AUTS2: variants seen among roughly 807,000 people sequenced by gnomAD.
AUTS2 encodes activator of transcription and developmental regulator AUTS2.
In AUTS2, 17 loss-of-function variants were observed where a neutral mutation model predicts 112.4. That is an observed-to-expected ratio of 0.15 (90% CI 0.10 to 0.23). AUTS2 has a LOEUF of 0.23. AUTS2 is among the 10% of genes least tolerant of loss of function. AUTS2 has a pLI of 1.00. For synonymous variants in AUTS2, 751 were observed against 702.7 expected, an observed-to-expected ratio of 1.07 and a Z score of -1.09; for missense variants, 1,510 against 1,701.6, an observed-to-expected ratio of 0.89 and a Z score of 1.98.
chr7:70,473,545 T>G (rs1797469078), intron 5 of AUTS2, among the ~76,000 whole-genome samples: 1 of 152,204 alleles, frequency 6.6e-6, no homozygotes, highest in African/African-American at 2.4e-5. Context: ...GGCATGAATC[T>G]GACTTGCTTA....
intron 5 of AUTS2, among the ~76,000 whole-genome samples, chr7:70,485,843 T>C (rs1179948018): frequency 1.3e-5 from 2 of 152,062 alleles, no homozygotes; most frequent in East Asian, 1.9e-4. Context: ...TGGATCGCCA[T>C]GCAGGGTGCA....
rs899280465 is a variant in AUTS2 at position 70,337,573 on chromosome 7, C to G, written c.661-98179C>G. ...TTCTGCATCTGTGCTATAGTTTTCT[C>G]AAAGGTGAATAAATGCATTTTTTAA... On this transcript the variant is annotated intron_variant, in intron 4 of 18. Transcript: ENST00000342771. Among the ~76,000 whole-genome samples, 5 of 152,280 alleles carry G rather than the reference C, an allele frequency of 3.3e-5. No homozygotes were observed. The South Asian group carries it at 8.3e-4, about 25-fold the overall frequency.
intron 6 of AUTS2, among the ~76,000 whole-genome samples, chr7:70,724,556 C>T (rs1786905848): frequency 1.3e-5 from 2 of 151,170 alleles, no homozygotes; most frequent in South Asian, 4.2e-4. Flanking sequence ...CACCATTCTC[C>T]TGCCTCAGCC....
chr7:69,979,648 C>T (rs1446269061), intron 2 of AUTS2, among the ~76,000 whole-genome samples: 5 of 152,156 alleles, frequency 3.3e-5, no homozygotes, highest in Non-Finnish European at 5.9e-5. Flanking sequence ...AGGAAGACTA[C>T]AGGCAGCAAT....
At position 70,319,898 on chromosome 7, in the gene AUTS2, A is replaced by AAATG. The variant is rs371912639; in HGVS notation, c.661-115840_661-115837dup. Among the ~76,000 whole-genome samples, 212 of 152,332 alleles carry AAATG rather than the reference A, an allele frequency of 1.4e-3. 1 individual carries two copies. The East Asian group carries it at 0.016, about 12-fold the overall frequency. On this transcript the variant is annotated intron_variant, in intron 4 of 18. Coordinates refer to ENST00000342771, the MANE Select transcript of AUTS2 (RefSeq NM_015570.4). ...GGAGAAGCCAGACAAAAGAATACGT[A>AAATG]AATGAATGAATGAATGAGTGAATGA...
At chr7:70,266,727 G>GTT (rs1787444324) in intron 4 of AUTS2, among the ~76,000 whole-genome samples, 1 of 151,992 alleles carries the variant, frequency 6.6e-6, no homozygotes, top group African/African-American at 2.4e-5. Flanking sequence ...CAATAAAGCT[G>GTT]TTTAAAAAAA....
At position 70,789,817 on chromosome 7, in the gene AUTS2, A is replaced by G. The variant is rs779299820; in HGVS notation, c.2601A>G (p.Gly867=). The G allele has an allele frequency of 6.2e-7, 1 of 1,614,154 alleles. No individual in the cohort carries two copies. Among genetic ancestry groups the G allele is most frequent in the Non-Finnish European group, 8.5e-7 (1 of 1,180,028 alleles). ...CTGTCCTCCCGGTGAATGCCCTGGG[A>G]CATACCCGCAGCTCCACTGAACAGA... The part of the protein sequence containing the change: ...PAPVLPVNAL[G]HTRSSTEQIR... The change falls in exon 19 of 19, where the codon GGA becomes GGG. Residue 867 remains glycine (G), a synonymous_variant. Coordinates refer to ENST00000342771, the MANE Select transcript of AUTS2 (RefSeq NM_015570.4).
At chr7:69,666,093 A>G (rs1167345119) in intron 1 of AUTS2, among the ~76,000 whole-genome samples, 1 of 152,214 alleles carries the variant, frequency 6.6e-6, no homozygotes, top group Non-Finnish European at 1.5e-5. Flanking sequence ...TTAATGTTTC[A>G]TTATACATAT....
At chr7:70,724,298 A>G (rs1786879685) in intron 6 of AUTS2, among the ~76,000 whole-genome samples, 1 of 152,126 alleles carries the variant, frequency 6.6e-6, no homozygotes, top group African/African-American at 2.4e-5. Flanking sequence ...ATTTGATTCC[A>G]TATTTGATTT....
chr7:69,772,378 T>C (rs954397559), intron 1 of AUTS2, among the ~76,000 whole-genome samples: 4 of 152,240 alleles, frequency 2.6e-5, no homozygotes, highest in African/African-American at 9.6e-5. Context: ...GCCAAGTATG[T>C]TATAAACAAC....
At chr7:69,693,886 C>T (rs1282321740) in intron 1 of AUTS2, among the ~76,000 whole-genome samples, 1 of 152,136 alleles carries the variant, frequency 6.6e-6, no homozygotes, top group Non-Finnish European at 1.5e-5. Context: ...TCATGAGATC[C>T]CCATTCCCTT....
chr7:69,961,433 A>T (rs1486144335), intron 2 of AUTS2, among the ~76,000 whole-genome samples: 1 of 152,172 alleles, frequency 6.6e-6, no homozygotes, highest in Non-Finnish European at 1.5e-5. Context: ...TTTAAAATGG[A>T]TCATAGTGTA....
At chr7:69,994,886 A>G (rs140378436) in intron 2 of AUTS2, among the ~76,000 whole-genome samples, 55 of 152,208 alleles carry the variant, frequency 3.6e-4, no homozygotes, top group African/African-American at 1.2e-3. Context: ...GAAAAGATCC[A>G]TTGTTTGGTA....
At chr7:70,393,274 A>G (rs1191460694) in intron 4 of AUTS2, among the ~76,000 whole-genome samples, 1 of 152,120 alleles carries the variant, frequency 6.6e-6, no homozygotes, top group African/African-American at 2.4e-5. Flanking sequence ...AGTAAGCACC[A>G]TATGTCTTCT....
intron 6 of AUTS2, among the ~76,000 whole-genome samples, chr7:70,715,502 G>A (rs920055027): frequency 2.1e-5 from 3 of 142,580 alleles, no homozygotes; most frequent in African/African-American, 7.9e-5. Flanking sequence ...CATCCTGCCT[G>A]TCTTTTTTTC....
chr7:69,799,325 G>T (rs1487254754), intron 1 of AUTS2, among the ~76,000 whole-genome samples: 1 of 152,022 alleles, frequency 6.6e-6, no homozygotes, highest in Non-Finnish European at 1.5e-5. Flanking sequence ...ATAGACATGG[G>T]GTCTGTTGCC....
chr7:70,131,573 C>T (rs933212123), intron 3 of AUTS2, among the ~76,000 whole-genome samples: 6 of 152,158 alleles, frequency 3.9e-5, no homozygotes, highest in Non-Finnish European at 8.8e-5. Context: ...ACTTACAGCA[C>T]ATTTGAAACA....
intron 1 of AUTS2, among the ~76,000 whole-genome samples, chr7:69,759,776 C>T (rs1584200675): frequency 2.1e-5 from 1 of 48,028 alleles, no homozygotes; most frequent in Non-Finnish European, 4.1e-5. Flanking sequence ...CCCCGCCCCC[C>T]CCCCCCCCCC....
intron 4 of AUTS2, among the ~76,000 whole-genome samples, chr7:70,315,640 C>A (rs891754588): frequency 6.6e-6 from 1 of 152,040 alleles, no homozygotes; most frequent in Non-Finnish European, 1.5e-5. Context: ...ATCCCTTTTT[C>A]CCAAAGTAAA....
Sources: gnomAD v4.1 joint callset for allele counts (sites outside exome capture counted in the v4.1 genomes callset) on GRCh38, gnomAD v4.1.1 for gene constraint, MANE v1.5 for transcripts, NCBI Gene and HGNC (gene_info 2026-07-23, HGNC 2026-07-21) for gene names.